The following ABCC9 variants were observed in gnomAD, a reference collection of about 807,000 sequenced individuals.
ABCC9 encodes ATP binding cassette subfamily C member 9.
In ABCC9, 95 loss-of-function variants were observed where a neutral mutation model predicts 188.3. That is an observed-to-expected ratio of 0.50 (90% CI 0.43 to 0.60). The LOEUF (loss-of-function observed/expected upper bound fraction) is 0.60, where lower values mean the gene tolerates loss of function less well. ABCC9 is among the 20% of genes least tolerant of loss of function. ABCC9 has a pLI of 0.00. For missense variants in ABCC9, 1,102 were observed against 1,876.3 expected (o/e 0.59, Z 7.62); for synonymous variants, 659 against 652.7 (o/e 1.01, Z -0.15).
In ABCC9 at chr12:21,817,441, A is replaced by G. The variant is rs1418908988; in HGVS notation, c.3772-134T>C. 5.0e-6 allele frequency: 4 copies of G among 807,630 alleles called. No individual in the cohort carries two copies. The East Asian group carries it at 1.1e-4, about 22-fold the overall frequency. The allele number at this position is 807,630 out of a possible 1,614,324, so 50.0% of individuals were successfully genotyped here. On this transcript the variant is annotated intron_variant, in intron 32 of 39. Coordinates refer to ENST00000261200, the MANE Select transcript of ABCC9 (RefSeq NM_020297.4). Reference sequence around the variant, plus strand: ...TGATACAACTCATAAGTGCTACAGAATATTAGAGACCAAGGAGAATGTCAT... The same window carrying G: ...TGATACAACTCATAAGTGCTACAGAGTATTAGAGACCAAGGAGAATGTCAT...
intron 2 of ABCC9, among the ~76,000 whole-genome samples, chr12:21,936,988 G>T (rs949969603): frequency 6.6e-6 from 1 of 151,946 alleles, no homozygotes; most frequent in Admixed American, 6.6e-5. Flanking sequence ...TGACTAAAAT[G>T]CTTTCAAAGA....
rs1946308091 is a variant in ABCC9, at chr12:21,875,723, T to C, written c.2023A>G (p.Thr675Ala). 5.0e-6 allele frequency: 8 copies of C among 1,606,972 alleles called. No individual in the cohort carries two copies. Among genetic ancestry groups the C allele is most frequent in the Non-Finnish European group, 6.8e-6 (8 of 1,173,828 alleles). The change falls in exon 17 of 40, where the codon ACA becomes GCA. Residue 675 changes from threonine to alanine, a missense_variant. Physicochemically the swap from Thr to Ala is moderately conservative, Grantham distance 58. Around this residue, in one of 12 missense-constraint regions of ABCC9, gnomAD observed 258 missense variants for 325.6 expected, o/e 0.79. Transcript: ENST00000261200. Reference protein sequence around the residue: ...AETEDIAIKVTNGYFSWGSGL... With the variant: ...AETEDIAIKVANGYFSWGSGL... ...CTGCCCCATGAAAAGTATCCATTTGTGACCTACAAAATAAAAATACAGAAA... is the reference window on the plus strand; with the variant it reads ...CTGCCCCATGAAAAGTATCCATTTGCGACCTACAAAATAAAAATACAGAAA...
At chr12:21,829,453 G>C (rs1157086694) in intron 30 of ABCC9, among the ~76,000 whole-genome samples, 1 of 152,002 alleles carries the variant, frequency 6.6e-6, no homozygotes, top group Non-Finnish European at 1.5e-5. Context: ...CGCCCACCTT[G>C]GCCTCCCAAA....
At chr12:21,923,660 A>G in intron 5 of ABCC9, 2 of 570,612 alleles carry the variant, frequency 3.5e-6, no homozygotes, top group Non-Finnish European at 6.2e-6. Flanking sequence ...GAACTCTTAC[A>G]CCTTGTTAGT....
chr12:21,913,970 A>G (rs1010815361), intron 7 of ABCC9, among the ~76,000 whole-genome samples: 1 of 152,160 alleles, frequency 6.6e-6, no homozygotes, highest in Non-Finnish European at 1.5e-5. Flanking sequence ...GAAAAATTAA[A>G]CTATGCTTAG....
intron 10 of ABCC9, 102 bp from the exon 11 acceptor site, chr12:21,908,313 T>C (rs965185616): frequency 7.2e-7 from 1 of 1,394,372 alleles, no homozygotes. Flanking sequence ...TCTTAATTAT[T>C]ATATTGTTTA....
At chr12:21,845,312 TATATATGTATAACATATATAAAA>T (rs1314184797) in intron 26 of ABCC9, among the ~76,000 whole-genome samples, 2 of 152,032 alleles carry the variant, frequency 1.3e-5, no homozygotes, top group Admixed American at 6.6e-5. Flanking sequence ...CCTCTGTGTG[TATATATGTATAACATATATAAAA>T]ATATATGTAT....
rs747049426 is a variant in ABCC9, at chr12:21,844,753, A to G, written c.3245+14T>C. 1 of 1,613,804 alleles carries G rather than the reference A, an allele frequency of 6.2e-7. No homozygotes were observed. Among genetic ancestry groups the G allele is most frequent in the Admixed American group, 1.7e-5 (1 of 60,022 alleles). On this transcript the variant is annotated intron_variant, in intron 27 of 39. Transcript: ENST00000261200. ...TATTTTATGTGTGGGAGTGAGAAAT[A>G]ACCACTGTTTTACCTTATTGGTCCA... is the stretch of plus-strand genomic sequence containing the variant.
At chr12:21,905,010 C>A (rs1391464376) in intron 12 of ABCC9, among the ~76,000 whole-genome samples, 1 of 152,132 alleles carries the variant, frequency 6.6e-6, no homozygotes, top group Non-Finnish European at 1.5e-5. Flanking sequence ...TTCACAATAG[C>A]AAAGACTTGG....
chr12:21,831,549 C>T (rs569727693), intron 30 of ABCC9, among the ~76,000 whole-genome samples: 26 of 151,790 alleles, frequency 1.7e-4, no homozygotes, highest in East Asian at 5.8e-4. Flanking sequence ...AAATGCTACA[C>T]GAACATAAAG....
intron 22 of ABCC9, among the ~76,000 whole-genome samples, chr12:21,855,610 C>A (rs367764693): frequency 6.6e-6 from 1 of 152,152 alleles, no homozygotes; most frequent in Non-Finnish European, 1.5e-5. Flanking sequence ...GTAGTTATGA[C>A]CACTCTTGGA....
At chr12:21,878,845 G>T (rs1311291497) in intron 16 of ABCC9, among the ~76,000 whole-genome samples, 1 of 152,120 alleles carries the variant, frequency 6.6e-6, no homozygotes, top group Non-Finnish European at 1.5e-5. Context: ...AATTTCTCCT[G>T]CTGCCATTTA....
At chr12:21,920,061 T>C (rs1363354353) in intron 5 of ABCC9, among the ~76,000 whole-genome samples, 1 of 152,030 alleles carries the variant, frequency 6.6e-6, no homozygotes, top group Non-Finnish European at 1.5e-5. Flanking sequence ...AATAACACCC[T>C]GAGTAAGCTT....
chr12:21,905,183 A>G (rs1947977147), intron 12 of ABCC9, among the ~76,000 whole-genome samples: 1 of 152,152 alleles, frequency 6.6e-6, no homozygotes, highest in Admixed American at 6.5e-5. Context: ...AAAAAACCAA[A>G]CACCACATGT....
intron 14 of ABCC9, among the ~76,000 whole-genome samples, chr12:21,889,896 T>C (rs972493180): frequency 6.6e-5 from 10 of 152,098 alleles, no homozygotes; most frequent in Non-Finnish European, 1.3e-4. Context: ...TCCCCTCCCA[T>C]GTCCCCAGTC....
At chr12:21,921,820 G>A (rs111653431) in intron 5 of ABCC9, among the ~76,000 whole-genome samples, 2 of 151,876 alleles carry the variant, frequency 1.3e-5, no homozygotes, top group East Asian at 3.9e-4. Flanking sequence ...ACCATTTATT[G>A]AAGTGACTGT....
chr12:21,846,130 T>C (rs1275708047), intron 25 of ABCC9, among the ~76,000 whole-genome samples: 1 of 152,176 alleles, frequency 6.6e-6, no homozygotes, highest in African/African-American at 2.4e-5. Context: ...GGAATTGTGT[T>C]GCCAACAAAA....
intron 5 of ABCC9, among the ~76,000 whole-genome samples, chr12:21,921,584 C>G (rs1406644813): frequency 6.6e-6 from 1 of 151,912 alleles, no homozygotes; most frequent in Non-Finnish European, 1.5e-5. Context: ...TGATGTGATC[C>G]CATTTGTTCA....
intron 18 of ABCC9, among the ~76,000 whole-genome samples, chr12:21,865,116 G>C (rs1450529062): frequency 6.6e-6 from 1 of 151,998 alleles, no homozygotes; most frequent in Admixed American, 6.6e-5. Context: ...TTCTTTTATT[G>C]TTCTAATTTT....
Sources: gnomAD v4.1 joint callset for allele counts (sites outside exome capture counted in the v4.1 genomes callset) on GRCh38, gnomAD v4.1.1 for gene constraint, gnomAD v4.1.1 regional missense constraint, MANE v1.5 for transcripts, NCBI Gene and HGNC (gene_info 2026-07-23, HGNC 2026-07-21) for gene names.